Variants in PDXDC1 observed in about 807,000 individuals in gnomAD.
PDXDC1 encodes pyridoxal-dependent decarboxylase domain-containing protein 1.
A neutral mutation model predicts 100.1 loss-of-function variants in PDXDC1; 42 were observed. The observed-to-expected ratio is 0.42, with a 90% confidence interval of 0.33 to 0.54. The LOEUF (loss-of-function observed/expected upper bound fraction) is 0.54. Among genes scored for constraint, PDXDC1 ranks in the 20% least tolerant of loss-of-function variants. PDXDC1 has a pLI of 0.10. For missense variants in PDXDC1, 636 were observed against 979.2 expected, an observed-to-expected ratio of 0.65 and a Z score of 4.68; for synonymous variants, 260 against 371.7, an observed-to-expected ratio of 0.70 and a Z score of 3.46.
At chr16:15,151,702 C>T in the PDXDC1 span, among the ~76,000 whole-genome samples, 5 of 114,562 alleles carry the variant, frequency 4.4e-5, no homozygotes, top group Non-Finnish European at 8.0e-5. Context: ...GAGGCCGAGG[C>T]GGGCGGATCA....
intron 16 of PDXDC1, among the ~76,000 whole-genome samples, chr16:15,095,010 G>T (rs1177985709): frequency 6.6e-6 from 1 of 151,790 alleles, no homozygotes; most frequent in Non-Finnish European, 1.5e-5. Flanking sequence ...GCTAATTTTC[G>T]TATTTTTAGT....
intron 16 of PDXDC1, among the ~76,000 whole-genome samples, chr16:15,128,593 T>G (rs1156517705): frequency 4.6e-5 from 7 of 152,004 alleles, no homozygotes; most frequent in Admixed American, 3.3e-4. Flanking sequence ...CATGATTAAG[T>G]TACATGGAAA....
At chr16:15,083,090 G>A (rs1445245422) in intron 16 of PDXDC1, among the ~76,000 whole-genome samples, 1 of 152,162 alleles carries the variant, frequency 6.6e-6, no homozygotes, top group Non-Finnish European at 1.5e-5. Flanking sequence ...AAGTCTAGAA[G>A]ACAAAGTAAC....
rs528793221 is a variant in PDXDC1 at position 15,110,062 on chromosome 16, G to A, written c.1400-28817G>A. On this transcript the variant is annotated intron_variant, in intron 16 of 16. Coordinates refer to the PDXDC1 transcript ENST00000535621. The stretch of plus-strand genomic sequence containing the variant: ...CCAGCTACTTGGGAGGCTGAGGCAG[G>A]AGAATTGCTTGAACCCAAAAGACAG... Among the ~76,000 whole-genome samples, 14 of 148,666 alleles carry A rather than the reference G, an allele frequency of 9.4e-5. 1 individual carries two copies. The highest frequency in any genetic ancestry group is 2.9e-4 in the African/African-American group (12 of 41,078).
chr16:15,074,935 A>C, intron 16 of PDXDC1: 2 of 1,399,308 alleles, frequency 1.4e-6, no homozygotes, highest in Non-Finnish European at 1.9e-6. Flanking sequence ...AACTGTCATA[A>C]GTGATTATTT....
At chr16:15,050,746 TA>T (rs2151725256) in intron 16 of PDXDC1, among the ~76,000 whole-genome samples, 1 of 151,504 alleles carries the variant, frequency 6.6e-6, no homozygotes, top group East Asian at 2.0e-4. Flanking sequence ...AAAAAAAAAT[TA>T]AGATTAAACT....
rs1375068788 is a variant in PDXDC1 at position 15,132,789 on chromosome 16, G to C, written c.1400-6090G>C. 8 of 1,230,132 alleles carry C rather than the reference G, an allele frequency of 6.5e-6. No homozygotes were observed. In the Admixed American group the frequency reaches 1.2e-4, roughly 18 times the overall value. 76.2% of individuals were successfully genotyped at this position (1,230,132 alleles called of 1,614,324 possible). ...ACAGTGTGGACCCTCAGGGACACCA[G>C]AGTCTCCGTGATGTTCTTGCGTATC... On this transcript the variant is annotated intron_variant, in intron 16 of 16. Transcript: ENST00000535621.
chr16:15,126,954 G>C (rs1331623039), intron 16 of PDXDC1: 2 of 276,782 alleles, frequency 7.2e-6, no homozygotes, highest in Non-Finnish European at 1.4e-5. Context: ...CACCGTGCCT[G>C]GTCCTTTTTA....
chr16:15,019,973 G>A (rs538277679), intron 12 of PDXDC1, among the ~76,000 whole-genome samples: 18 of 152,322 alleles, frequency 1.2e-4, no homozygotes, highest in Non-Finnish European at 2.2e-4. Context: ...TTAGCTGGGC[G>A]TGGTGGCGGG....
intron 18 of PDXDC1, 39 bp from the exon 19 acceptor site, chr16:15,033,239 A>C: frequency 6.2e-7 from 1 of 1,612,260 alleles, no homozygotes; most frequent in Non-Finnish European, 8.5e-7. Context: ...CCCATGACAG[A>C]GGACTGAGAA....
At position 15,126,296 on chromosome 16, in the gene PDXDC1, C is replaced by A. The variant is rs1190484036; in HGVS notation, c.1400-12583C>A. ...AAGTGATCTGCCCGCCTCCGCCTCC[C>A]AAAGTGCTGGGATTACAGGTGTGAG... On this transcript the variant is annotated intron_variant, in intron 16 of 16. Coordinates refer to the PDXDC1 transcript ENST00000535621. Among the ~76,000 whole-genome samples the A allele has an allele frequency of 2.3e-5, 3 of 130,856 alleles. No individual in the cohort carries two copies. The Admixed American group carries it at 2.5e-4, about 11-fold the overall frequency. 85.8% of individuals were successfully genotyped at this position (130,856 alleles called of 152,430 possible). A position where few individuals can be genotyped will look rare whatever the true frequency, so the allele number is the denominator to read the frequency against.
intron 1 of PDXDC1, among the ~76,000 whole-genome samples, chr16:14,977,269 CTTTTT>C (rs5816116): frequency 8.4e-5 from 8 of 95,054 alleles, no homozygotes; most frequent in African/African-American, 2.8e-4. Flanking sequence ...ATGGGACTTA[CTTTTT>C]TTTTTTTTTT....
chr16:15,083,909 T>C (rs2045807023), intron 16 of PDXDC1, among the ~76,000 whole-genome samples: 1 of 152,078 alleles, frequency 6.6e-6, no homozygotes, highest in Non-Finnish European at 1.5e-5. Context: ...AGAGACGGGG[T>C]TTCTCCATGT....
rs1010052322 is a variant in PDXDC1, at chr16:15,076,288, A to C, written c.1399+46232A>C. 4 of 592,484 alleles carry C rather than the reference A, an allele frequency of 6.8e-6. No homozygotes were observed. The African/African-American group carries it at 7.4e-5, about 11-fold the overall frequency. The allele number at this position is 592,484 out of a possible 1,614,324, so 36.7% of individuals were successfully genotyped here. ...TTCTATTAACCACGCCCTCACAGAC[A>C]GCATCTGGCTTACAAAAACAAACAC... On this transcript the variant is annotated intron_variant, in intron 16 of 16. Transcript: ENST00000535621.
At chr16:15,075,206 C>T (rs1414808760) in intron 16 of PDXDC1, among the ~76,000 whole-genome samples, 3 of 144,918 alleles carry the variant, frequency 2.1e-5, no homozygotes, top group East Asian at 4.4e-4. Flanking sequence ...GAGCCGAGTT[C>T]GTGTGCTCCA....
intron 16 of PDXDC1, among the ~76,000 whole-genome samples, chr16:15,087,245 T>A (rs1325470070): frequency 6.6e-6 from 1 of 152,208 alleles, no homozygotes; most frequent in African/African-American, 2.4e-5. Flanking sequence ...GGAGTTATCA[T>A]TTAGTGAGAA....
At chr16:15,026,854 C>A (rs1304538747) in intron 14 of PDXDC1, 148 bp downstream of exon 14, 7 of 995,968 alleles carry the variant, frequency 7.0e-6, no homozygotes, top group African/African-American at 1.6e-5. Context: ...TTCATGAAAA[C>A]TACAGTCCGA....
chr16:15,083,617 T>C (rs1293921567), intron 16 of PDXDC1: 1 of 1,586,992 alleles, frequency 6.3e-7, no homozygotes, highest in Non-Finnish European at 8.6e-7. Context: ...CCATGTTAAC[T>C]TTACTTTCTA....
At chr16:15,128,215 C>T (rs532219113) in intron 16 of PDXDC1, 57 of 1,611,174 alleles carry the variant, frequency 3.5e-5, no homozygotes, top group South Asian at 2.9e-4. Flanking sequence ...GCAGGGTCCG[C>T]ACAGACCTTT....
Sources: allele counts gnomAD v4.1 joint callset (sites outside exome capture counted in the v4.1 genomes callset), GRCh38; gene constraint gnomAD v4.1.1; transcripts MANE v1.5; gene names NCBI Gene and HGNC (gene_info 2026-07-23, HGNC 2026-07-21).